The following TBC1D5 variants were observed in gnomAD, a reference collection of about 807,000 sequenced individuals.
TBC1D5 encodes the protein TBC1 domain family, member 5.
Under a neutral mutation model 100.3 loss-of-function variants are expected in TBC1D5, and 75 were observed. The ratio of observed to expected loss-of-function variants is 0.75; its 90% CI spans 0.62 to 0.91. The LOEUF (loss-of-function observed/expected upper bound fraction) is 0.91, where lower values mean the gene tolerates loss of function less well. Ranked by LOEUF, TBC1D5 falls within the 40% of genes least tolerant of loss-of-function variation. The pLI is 0.00. For missense variants in TBC1D5, 910 were observed against 942.4 expected (o/e 0.97, Z 0.45); for synonymous variants, 323 against 325.6 (o/e 0.99, Z 0.09).
At chr3:17,217,637 T>C (rs1414266406) in intron 17 of TBC1D5, among the ~76,000 whole-genome samples, 3 of 152,128 alleles carry the variant, frequency 2.0e-5, no homozygotes, top group African/African-American at 7.2e-5. Flanking sequence ...ATGCTTAGCA[T>C]CTTTTCAGGT....
At chr3:17,446,738 G>A (rs1193955159) in intron 3 of TBC1D5, among the ~76,000 whole-genome samples, 2 of 152,204 alleles carry the variant, frequency 1.3e-5, no homozygotes, top group African/African-American at 4.8e-5. Context: ...TTGGGAGGCC[G>A]AGGCGGGTGG....
intron 21 of TBC1D5, among the ~76,000 whole-genome samples, 185 bp downstream of exon 22, chr3:17,166,582 T>A (rs531123715): frequency 6.6e-6 from 1 of 152,214 alleles, no homozygotes; most frequent in Non-Finnish European, 1.5e-5. Flanking sequence ...ACCAGTATCA[T>A]TGTGAATGGC....
chr3:17,199,820 G>A (rs1008684881), intron 18 of TBC1D5, among the ~76,000 whole-genome samples: 5 of 152,146 alleles, frequency 3.3e-5, no homozygotes, highest in Non-Finnish European at 5.9e-5. Flanking sequence ...TTTGTAGCAC[G>A]GACAAGGTAT....
chr3:17,187,067 G>T (rs897982583), intron 18 of TBC1D5, among the ~76,000 whole-genome samples: 1 of 151,862 alleles, frequency 6.6e-6, no homozygotes, highest in Non-Finnish European at 1.5e-5. Context: ...AATTTCCCTC[G>T]TTATCACAGG....
intron 2 of TBC1D5, among the ~76,000 whole-genome samples, chr3:17,609,827 GAAA>G (rs1365733998): frequency 6.6e-6 from 1 of 152,114 alleles, no homozygotes; most frequent in Admixed American, 6.6e-5. Context: ...ATTATCAGAG[GAAA>G]CTAGGACTGA....
exon 17 of TBC1D5, chr3:17,238,375 T>G (rs1285391609): frequency 6.2e-7 from 1 of 1,613,786 alleles, no homozygotes. Context: ...AATCAGGCTA[T>G]TAGAGACCTT....
At chr3:17,446,498 T>C (rs2094798297) in intron 3 of TBC1D5, among the ~76,000 whole-genome samples, 1 of 151,254 alleles carries the variant, frequency 6.6e-6, no homozygotes, top group Non-Finnish European at 1.5e-5. Context: ...TGGAAGAAAA[T>C]ATCACAAATT....
At chr3:17,433,630 G>A (rs1383252336) in intron 3 of TBC1D5, among the ~76,000 whole-genome samples, 4 of 151,934 alleles carry the variant, frequency 2.6e-5, no homozygotes, top group East Asian at 1.9e-4. Context: ...GTGGGGGCAC[G>A]GCCCAACCAT....
intron 1 of TBC1D5, among the ~76,000 whole-genome samples, chr3:17,627,121 G>A (rs1027330703): frequency 6.6e-6 from 1 of 152,142 alleles, no homozygotes; most frequent in Non-Finnish European, 1.5e-5. Flanking sequence ...AGAACTGGCA[G>A]GAGCAAAAAC....
intron 1 of TBC1D5, among the ~76,000 whole-genome samples, chr3:17,667,490 C>T (rs1390223531): frequency 4.0e-5 from 6 of 151,612 alleles, no homozygotes; most frequent in Admixed American, 2.0e-4. Flanking sequence ...TTTAATGAGA[C>T]GGGAGTCCAG....
intron 15 of TBC1D5, among the ~76,000 whole-genome samples, chr3:17,283,653 G>A (rs1362457024): frequency 6.6e-6 from 1 of 152,056 alleles, no homozygotes; most frequent in Non-Finnish European, 1.5e-5. Context: ...CCGGCTAAGA[G>A]CAAAAGTAGT....
chr3:17,374,779 C>A, intron 10 of TBC1D5, 100 bp from the exon 11 acceptor site: 9 of 1,168,946 alleles, frequency 7.7e-6, no homozygotes, highest in Non-Finnish European at 1.1e-5. Context: ...ATATAATATG[C>A]AAACGAAAAA....
At chr3:17,257,828 G>A (rs1199959584) in intron 16 of TBC1D5, among the ~76,000 whole-genome samples, 2 of 152,042 alleles carry the variant, frequency 1.3e-5, no homozygotes, top group Non-Finnish European at 2.9e-5. Context: ...AAGAAAATTC[G>A]GACAACTTGG....
chr3:17,390,940 A>G (rs1239603727), intron 8 of TBC1D5, among the ~76,000 whole-genome samples: 3 of 152,062 alleles, frequency 2.0e-5, no homozygotes. Context: ...GCTGGATTTA[A>G]TTTCCCAGCT....
chr3:17,382,313 T>C (rs2152209932), intron 9 of TBC1D5, among the ~76,000 whole-genome samples: 1 of 152,130 alleles, frequency 6.6e-6, no homozygotes, highest in Non-Finnish European at 1.5e-5. Context: ...ACAAAGGAAT[T>C]TGTGTCTACA....
intron 3 of TBC1D5, among the ~76,000 whole-genome samples, chr3:17,450,797 T>A (rs1356524408): frequency 2.0e-5 from 3 of 152,140 alleles, no homozygotes; most frequent in African/African-American, 7.2e-5. Flanking sequence ...TGGAACCAAG[T>A]TGGAAAATAC....
At chr3:17,272,518 G>T (rs1411677621) in intron 15 of TBC1D5, among the ~76,000 whole-genome samples, 1 of 152,116 alleles carries the variant, frequency 6.6e-6, no homozygotes, top group Non-Finnish European at 1.5e-5. Flanking sequence ...CCAAGTAGGT[G>T]CCAGACCACA....
chr3:17,673,454 G>C (rs763861866), intron 1 of TBC1D5, among the ~76,000 whole-genome samples: 35 of 151,136 alleles, frequency 2.3e-4, no homozygotes, highest in Non-Finnish European at 4.7e-4. Context: ...GAGACTACAG[G>C]CATGTGCCAC....
chr3:17,484,557 G>GGT lies in TBC1D5; in HGVS notation c.97+23915_97+23916dup, dbSNP rs57589115. Among the ~76,000 whole-genome samples, 1,348 of 145,734 alleles carry GGT rather than the reference G, an allele frequency of 9.2e-3. 17 individuals are homozygous for GGT. Among genetic ancestry groups the GGT allele is most frequent in the Admixed American group, 0.021 (313 of 14,578 alleles). ...TTTAAAGATAATAAGGTAACACCAG[G>GGT]GTGTGTGTGTGTGTGTGTATTCCTC... On this transcript the variant is annotated intron_variant, in intron 3 of 21. Transcript: ENST00000253692.
Sources: gnomAD v4.1 joint callset for allele counts (sites outside exome capture counted in the v4.1 genomes callset) on GRCh38, gnomAD v4.1.1 for gene constraint, MANE v1.5 for transcripts, NCBI Gene and HGNC (gene_info 2026-07-23, HGNC 2026-07-21) for gene names.